ADAM22: variants seen among roughly 807,000 people sequenced by gnomAD.
ADAM22 encodes ADAM metallopeptidase domain 22.
A neutral mutation model predicts 144.6 loss-of-function variants in ADAM22; 65 were observed. The ratio of observed to expected loss-of-function variants is 0.45; its 90% CI spans 0.37 to 0.55. The LOEUF (loss-of-function observed/expected upper bound fraction) is 0.55, where lower values mean the gene tolerates loss of function less well. Ranked by LOEUF, ADAM22 falls within the 20% of genes least tolerant of loss-of-function variation. The pLI is 0.00. For missense variants in ADAM22, 974 were observed against 1,184.9 expected, an observed-to-expected ratio of 0.82 and a Z score of 2.61; for synonymous variants, 391 against 412.6, an observed-to-expected ratio of 0.95 and a Z score of 0.63.
At position 88,082,453 on chromosome 7, in the gene ADAM22, A is replaced by G. The variant is rs551360721; in HGVS notation, c.390+6761A>G. ...CAAGGACTTCATGTCTAAAACACCA[A>G]ATGCAATGGCAACAAAAGCCAAAAT... On this transcript the variant is annotated intron_variant, in intron 4 of 31. Transcript: ENST00000413139. 6.2e-4 allele frequency among the ~76,000 whole-genome samples: 95 copies of G among 152,170 alleles called. 1 individual carries two copies. The highest frequency in any genetic ancestry group is 2.2e-3 in the African/African-American group (90 of 41,542).
At chr7:88,151,198 C>A in intron 19 of ADAM22, 59 bp from the exon 20 acceptor site, 1 of 1,600,666 alleles carries the variant, frequency 6.2e-7, no homozygotes, top group South Asian at 1.1e-5. Context: ...GTTTCTTTTT[C>A]AGTTATCTGA....
intron 3 of ADAM22, among the ~76,000 whole-genome samples, chr7:88,028,898 A>C (rs1441241455): frequency 6.6e-6 from 1 of 151,964 alleles, no homozygotes; most frequent in Non-Finnish European, 1.5e-5. Context: ...GTGTGTCCTT[A>C]TAGGTGAAGT....
At chr7:88,101,702 G>C (rs182580173) in intron 4 of ADAM22, among the ~76,000 whole-genome samples, 90 of 152,310 alleles carry the variant, frequency 5.9e-4, no homozygotes, top group African/African-American at 2.0e-3. Flanking sequence ...ACAAGAAACA[G>C]AGTGGAGTAC....
At chr7:88,039,448 T>TGAAAAAAAAAAAAAAAAAAAAA (rs1802427733) in intron 3 of ADAM22, among the ~76,000 whole-genome samples, 1 of 55,460 alleles carries the variant, frequency 1.8e-5, no homozygotes, top group Non-Finnish European at 3.3e-5. Context: ...AGATTCTGTC[T>TGAAAAAAAAAAAAAAAAAAAAA]CAAAAAAAAA....
intron 2 of ADAM22, among the ~76,000 whole-genome samples, chr7:87,958,765 G>A (rs1847382775): frequency 6.6e-6 from 1 of 152,014 alleles, no homozygotes. Context: ...GACTGATGAG[G>A]TAGAGCACCT....
At chr7:88,188,125 C>T (rs1848747273) in intron 30 of ADAM22, among the ~76,000 whole-genome samples, 1 of 152,064 alleles carries the variant, frequency 6.6e-6, no homozygotes, top group Non-Finnish European at 1.5e-5. Context: ...TTTCCTCAGG[C>T]TTGTGGGCAG....
At position 88,155,945 on chromosome 7, in the gene ADAM22, G is replaced by A; in HGVS notation, c.1846G>A (p.Glu616Lys). The A allele has an allele frequency of 1.2e-6, 2 of 1,613,386 alleles. No individual in the cohort carries two copies. The highest frequency in any genetic ancestry group is 1.7e-6 in the Non-Finnish European group (2 of 1,179,564). ...TATTGGCAATATCCCAAGGCTTGGA[G>A]AACTCGATGGTGAAATCACATCTAC... ...TNIGNIPRLG[E>K]LDGEITSTLV... is the part of the protein sequence containing the mutation. Residue 616 changes from glutamate to lysine, a missense_variant, in exon 22 of 32, where the codon GAA (glutamate) becomes AAA (lysine). Glu to Lys is a moderately conservative substitution (Grantham distance 56). Coordinates refer to ENST00000413139, the MANE Select transcript of ADAM22 (RefSeq NM_001324418.2).
intron 4 of ADAM22, among the ~76,000 whole-genome samples, chr7:88,084,301 A>T (rs909810897): frequency 6.6e-6 from 1 of 152,094 alleles, no homozygotes; most frequent in African/African-American, 2.4e-5. Flanking sequence ...CCAACCTGAG[A>T]TTTGCAGTTT....
intron 3 of ADAM22, among the ~76,000 whole-genome samples, chr7:88,044,675 T>C (rs1323685977): frequency 6.6e-6 from 1 of 152,096 alleles, no homozygotes; most frequent in African/African-American, 2.4e-5. Flanking sequence ...CTCGATCTCC[T>C]GACCTCATGA....
chr7:88,173,602 T>G (rs964700437), intron 26 of ADAM22, among the ~76,000 whole-genome samples: 10 of 152,034 alleles, frequency 6.6e-5, no homozygotes, highest in African/African-American at 1.2e-4. Context: ...TTCAATCTTA[T>G]AAAAATATCT....
chr7:88,110,542 C>T (rs1423398667), intron 5 of ADAM22, among the ~76,000 whole-genome samples: 1 of 151,858 alleles, frequency 6.6e-6, no homozygotes, highest in Non-Finnish European at 1.5e-5. Context: ...ACTAATCCTA[C>T]TATAGTCTTG....
chr7:87,996,767 G>A (rs1473094492), intron 3 of ADAM22, among the ~76,000 whole-genome samples: 1 of 152,334 alleles, frequency 6.6e-6, no homozygotes, highest in Non-Finnish European at 1.5e-5. Flanking sequence ...AAATTGGTTC[G>A]CAGCATAGTC....
intron 3 of ADAM22, among the ~76,000 whole-genome samples, chr7:88,039,397 G>T (rs913385760): frequency 2.8e-5 from 4 of 140,424 alleles, no homozygotes; most frequent in African/African-American, 1.0e-4. Flanking sequence ...AGCCGAGATT[G>T]CACCACTGCA....
At position 88,061,103 on chromosome 7, in the gene ADAM22, CAA is replaced by C. The variant is rs541347471; in HGVS notation, c.324-14513_324-14512del. ...TGGGTGACAGAGCAAGACTCTGTCT[CAA>C]AAAAAAAAAGAGTCCTCCTCCATCC... On this transcript the variant is annotated intron_variant, in intron 3 of 31. Transcript: ENST00000413139. 5.5e-3 allele frequency among the ~76,000 whole-genome samples: 761 copies of C among 138,924 alleles called. 10 individuals are homozygous for C. The highest frequency in any genetic ancestry group is 0.019 in the African/African-American group (707 of 37,872). The allele number at this position is 138,924 out of a possible 152,430, so 91.1% of individuals were successfully genotyped here. A position where few individuals can be genotyped will look rare whatever the true frequency, so the allele number is the denominator to read the frequency against.
rs1554529399 is a variant in ADAM22 at position 88,196,769 on chromosome 7, GATA to G, written c.*282_*284del. 6.8e-6 allele frequency: 3 copies of G among 444,074 alleles called. No individual in the cohort carries two copies. The highest frequency in any genetic ancestry group is 1.2e-5 in the Non-Finnish European group (3 of 243,324). The allele number at this position is 444,074 out of a possible 1,614,324, so 27.5% of individuals were successfully genotyped here. ...ATGTTAATGGATAATCCGCATGACA[GATA>G]ATATGTAGAAATATTCATAAAGTTA... On this transcript the variant is annotated 3_prime_UTR_variant, in exon 32 of 32. Coordinates refer to ENST00000413139, the MANE Select transcript of ADAM22 (RefSeq NM_001324418.2).
chr7:88,194,802 A>G (rs1421208323), intron 31 of ADAM22, among the ~76,000 whole-genome samples: 3 of 152,074 alleles, frequency 2.0e-5, no homozygotes, highest in Non-Finnish European at 4.4e-5. Context: ...TTTGCTCCAG[A>G]CCCACCACAA....
Position 88,186,715 on chromosome 7 carries a change from T to A in ADAM22, c.2750+14T>A, listed in dbSNP as rs764078807. ...ACCATACTTTAGGTATTTTATAAAT[T>A]AATTTTTATATCCTTCTCAAACTCT... On this transcript the variant is annotated intron_variant, in intron 30 of 31. Coordinates refer to ENST00000413139, the MANE Select transcript of ADAM22 (RefSeq NM_001324418.2). 8 of 1,469,134 alleles carry A rather than the reference T, an allele frequency of 5.4e-6. No individual in the cohort carries two copies. In the Admixed American group the frequency reaches 6.8e-5, roughly 12 times the overall value. 91.0% of individuals were successfully genotyped at this position (1,469,134 alleles called of 1,614,324 possible).
At chr7:87,964,502 G>A (rs1373397151) in intron 2 of ADAM22, 2 of 282,274 alleles carry the variant, frequency 7.1e-6, no homozygotes, top group East Asian at 9.6e-5. Context: ...AATAATAGAA[G>A]TATAAATAAA....
Position 88,202,614 on chromosome 7 carries a change from G to A in ADAM22, c.*6123G>A, listed in dbSNP as rs943798931. 2 of 152,136 alleles carry A rather than the reference G, an allele frequency of 1.3e-5. No individual in the cohort carries two copies. Among genetic ancestry groups the A allele is most frequent in the Non-Finnish European group, 2.9e-5 (2 of 68,030 alleles). 9.4% of individuals were successfully genotyped at this position (152,136 alleles called of 1,614,324 possible). A position where few individuals can be genotyped will look rare whatever the true frequency, so the allele number is the denominator to read the frequency against. ...TCGTTAAGCTATTTTAATAATTACT[G>A]GGGTTATGGCAAACACCAATGGAAA... On this transcript the variant is annotated 3_prime_UTR_variant, in exon 32 of 32. Transcript: ENST00000413139.
Sources: gnomAD v4.1 joint callset for allele counts (sites outside exome capture counted in the v4.1 genomes callset) on GRCh38, gnomAD v4.1.1 for gene constraint, MANE v1.5 for transcripts, NCBI Gene and HGNC (gene_info 2026-07-23, HGNC 2026-07-21) for gene names.